Variants in BTRC observed in about 807,000 individuals in gnomAD.
The protein encoded by BTRC is beta-transducin repeat containing E3 ubiquitin protein ligase.
In BTRC, 42 loss-of-function variants were observed where a neutral mutation model predicts 85.5. That is an observed-to-expected ratio of 0.49 (90% CI 0.38 to 0.64). BTRC has a LOEUF of 0.64. BTRC is among the 30% of genes least tolerant of loss of function. BTRC has a pLI of 0.00. For missense variants in BTRC, 594 were observed against 743.5 expected (o/e 0.80, Z 2.34); for synonymous variants, 255 against 263.3 (o/e 0.97, Z 0.30).
intron 12 of BTRC, 81 bp from the exon 13 acceptor site, chr10:101,538,212 G>A (rs1442721639): frequency 8.8e-7 from 1 of 1,142,674 alleles, no homozygotes; most frequent in Non-Finnish European, 1.3e-6. Flanking sequence ...CATATTTATT[G>A]CCATGAATTT....
At chr10:101,452,437 AC>A (rs1172966941) in intron 2 of BTRC, among the ~76,000 whole-genome samples, 1 of 152,166 alleles carries the variant, frequency 6.6e-6, no homozygotes, top group Non-Finnish European at 1.5e-5. Context: ...GCTTCCATTA[AC>A]CCCCACTGAC....
intron 4 of BTRC, among the ~76,000 whole-genome samples, chr10:101,496,007 TA>T (rs917052274): frequency 5.9e-5 from 2 of 34,162 alleles, no homozygotes; most frequent in African/African-American, 1.5e-4. Flanking sequence ...AATCATATAG[TA>T]TTTTTTTTTT....
At chr10:101,463,667 A>G (rs971563530) in intron 3 of BTRC, among the ~76,000 whole-genome samples, 1 of 152,058 alleles carries the variant, frequency 6.6e-6, no homozygotes, top group African/African-American at 2.4e-5. Context: ...TTTAGATATG[A>G]TGTGACTTCC....
At chr10:101,424,600 C>G (rs929444857) in intron 1 of BTRC, among the ~76,000 whole-genome samples, 5 of 152,162 alleles carry the variant, frequency 3.3e-5, no homozygotes, top group Admixed American at 1.3e-4. Flanking sequence ...ATTCAGCTTT[C>G]GTATAGTAAA....
chr10:101,372,500 C>T (rs1447382760), intron 1 of BTRC, among the ~76,000 whole-genome samples: 2 of 149,412 alleles, frequency 1.3e-5, no homozygotes, highest in Admixed American at 6.6e-5. Context: ...GTGATCTGCC[C>T]GCCTCGGCCT....
intron 7 of BTRC, among the ~76,000 whole-genome samples, chr10:101,531,870 G>A (rs1288328351): frequency 6.6e-6 from 1 of 152,156 alleles, no homozygotes; most frequent in Admixed American, 6.5e-5. Context: ...ATACATAGCA[G>A]TGTGACTGGT....
chr10:101,397,176 T>C (rs1943385757), intron 1 of BTRC, among the ~76,000 whole-genome samples: 1 of 152,224 alleles, frequency 6.6e-6, no homozygotes, highest in Non-Finnish European at 1.5e-5. Context: ...TTATTTACTT[T>C]GTTAGTGGGG....
At chr10:101,480,964 G>A (rs904303344) in intron 4 of BTRC, among the ~76,000 whole-genome samples, 2 of 152,062 alleles carry the variant, frequency 1.3e-5, no homozygotes, top group African/African-American at 4.8e-5. Flanking sequence ...GTTGCCCAGG[G>A]TAGAGTGCAA....
At chr10:101,465,434 A>G (rs1209015730) in intron 3 of BTRC, among the ~76,000 whole-genome samples, 2 of 152,210 alleles carry the variant, frequency 1.3e-5, no homozygotes, top group Admixed American at 1.3e-4. Context: ...TTATACCAAA[A>G]ATTTGGCAAG....
intron 4 of BTRC, among the ~76,000 whole-genome samples, chr10:101,489,340 G>T (rs1217091228): frequency 6.6e-6 from 1 of 151,894 alleles, no homozygotes; most frequent in African/African-American, 2.4e-5. Flanking sequence ...AATATTTAAA[G>T]TCCACTTGTT....
intron 1 of BTRC, among the ~76,000 whole-genome samples, chr10:101,426,074 C>G (rs1042006797): frequency 6.6e-6 from 1 of 152,190 alleles, no homozygotes; most frequent in Non-Finnish European, 1.5e-5. Context: ...ACCAAAATGA[C>G]AGTCCTTTCC....
intron 4 of BTRC, among the ~76,000 whole-genome samples, chr10:101,511,150 G>A (rs2061947711): frequency 6.6e-6 from 1 of 152,188 alleles, no homozygotes; most frequent in South Asian, 2.1e-4. Context: ...AAGGCCTTAT[G>A]TGATCTTAGC....
At chr10:101,370,673 G>A (rs1590212074) in intron 1 of BTRC, among the ~76,000 whole-genome samples, 1 of 134,462 alleles carries the variant, frequency 7.4e-6, no homozygotes. Flanking sequence ...GGGCTCAAGC[G>A]ATCCTCCCAC....
At chr10:101,505,135 A>ATT (rs1946492857) in intron 4 of BTRC, among the ~76,000 whole-genome samples, 1 of 79,042 alleles carries the variant, frequency 1.3e-5, no homozygotes, top group Non-Finnish European at 3.2e-5. Context: ...ATGTGTATAT[A>ATT]TATGTATATA....
chr10:101,373,565 T>G (rs1484280086), intron 1 of BTRC, among the ~76,000 whole-genome samples: 1 of 152,072 alleles, frequency 6.6e-6, no homozygotes, highest in East Asian at 1.9e-4. Context: ...GGTGAAGATA[T>G]TGGGATGGTC....
intron 5 of BTRC, among the ~76,000 whole-genome samples, chr10:101,522,714 C>A (rs2062136166): frequency 6.6e-6 from 1 of 151,748 alleles, no homozygotes; most frequent in East Asian, 1.9e-4. Context: ...AGCCACCGTA[C>A]CCAGCCAAGA....
chr10:101,502,724 C>T (rs1325248132), intron 4 of BTRC, among the ~76,000 whole-genome samples: 3 of 152,118 alleles, frequency 2.0e-5, no homozygotes, highest in African/African-American at 2.4e-5. Flanking sequence ...CAATACCCAC[C>T]TCCTCGTTCA....
intron 6 of BTRC, among the ~76,000 whole-genome samples, chr10:101,529,153 A>G (rs9420857): frequency 0.37 from 56,311 of 152,140 alleles, 11,605 homozygotes; most frequent in Middle Eastern, 0.49. Flanking sequence ...GGCATTTCAC[A>G]TAGAAGTAGT....
intron 4 of BTRC, among the ~76,000 whole-genome samples, chr10:101,485,222 A>G (rs140203839): frequency 1.1e-3 from 172 of 152,360 alleles, no homozygotes; most frequent in African/African-American, 3.9e-3. Flanking sequence ...CCCAGCCCAG[A>G]ATCTTTATGA....
Sources: allele counts gnomAD v4.1 joint callset (sites outside exome capture counted in the v4.1 genomes callset), GRCh38; gene constraint gnomAD v4.1.1; transcripts MANE v1.5; gene names NCBI Gene and HGNC (gene_info 2026-07-23, HGNC 2026-07-21).